Variants in NAV2 observed in about 807,000 individuals in gnomAD.
The protein encoded by NAV2 is helicase, APC down-regulated 1.
A neutral mutation model predicts 223.2 loss-of-function variants in NAV2; 54 were observed. The observed-to-expected ratio is 0.24, with a 90% CI of 0.19 to 0.30. The LOEUF is 0.30. Among genes scored for constraint, NAV2 ranks in the 10% least tolerant of loss-of-function variants. NAV2 has a pLI of 1.00. For synonymous variants in NAV2, 1,279 were observed against 1,239.3 expected (o/e 1.03, Z -0.67); for missense variants, 2,806 against 3,147.5 (o/e 0.89, Z 2.60).
intron 1 of NAV2, among the ~76,000 whole-genome samples, chr11:19,357,063 C>A (rs1283506769): frequency 6.6e-6 from 1 of 152,182 alleles, no homozygotes; most frequent in Non-Finnish European, 1.5e-5. Context: ...AGCTCTATCC[C>A]AACCTGGCTT....
intron 1 of NAV2, among the ~76,000 whole-genome samples, chr11:19,783,570 G>A (rs2056896558): frequency 1.3e-5 from 2 of 152,156 alleles, no homozygotes; most frequent in Admixed American, 1.3e-4. Flanking sequence ...TCCTTGAGCT[G>A]CTGGTGGATG....
intron 1 of NAV2, among the ~76,000 whole-genome samples, chr11:19,497,876 G>T (rs1461583116): frequency 1.3e-5 from 2 of 152,126 alleles, no homozygotes; most frequent in East Asian, 3.8e-4. Flanking sequence ...TATTAAAAGT[G>T]GCTTGGAACA....
rs142618761 is a variant in NAV2, at chr11:19,629,155, T to C, written c.76-203329T>C. 6.6e-3 allele frequency among the ~76,000 whole-genome samples: 1,005 copies of C among 152,088 alleles called. 13 individuals carry two copies. The highest frequency in any genetic ancestry group is 0.023 in the African/African-American group (945 of 41,474). ...TCTGCCTCAGTGTCTCCATCCTCATTTCCTCGTCACATCTCTCTCTCCCAC... is the reference window on the plus strand; with the variant it reads ...TCTGCCTCAGTGTCTCCATCCTCATCTCCTCGTCACATCTCTCTCTCCCAC... On this transcript the variant is annotated intron_variant, in intron 1 of 37. Transcript: ENST00000360655.
At chr11:19,488,872 C>A (rs1443415346) in intron 1 of NAV2, among the ~76,000 whole-genome samples, 1 of 152,220 alleles carries the variant, frequency 6.6e-6, no homozygotes, top group South Asian at 2.1e-4. Context: ...CAGTATTTCA[C>A]ATGCCTACTG....
chr11:19,817,738 A>C (rs1005602877), intron 1 of NAV2, among the ~76,000 whole-genome samples: 2 of 152,174 alleles, frequency 1.3e-5, no homozygotes, highest in African/African-American at 4.8e-5. Context: ...TGCTCTACCC[A>C]CTTGGCCCTG....
intron 1 of NAV2, among the ~76,000 whole-genome samples, chr11:19,665,206 T>A (rs1036898185): frequency 6.6e-6 from 1 of 152,220 alleles, no homozygotes; most frequent in Non-Finnish European, 1.5e-5. Flanking sequence ...GCAAGAGGCA[T>A]GTCTGCAACC....
intron 1 of NAV2, among the ~76,000 whole-genome samples, chr11:19,508,115 G>A (rs533385042): frequency 6.6e-6 from 1 of 152,254 alleles, no homozygotes; most frequent in African/African-American, 2.4e-5. Context: ...ATGAAGGAGG[G>A]AGATTGTTTT....
chr11:19,647,498 C>T (rs1171462990), intron 1 of NAV2, among the ~76,000 whole-genome samples: 1 of 152,100 alleles, frequency 6.6e-6, no homozygotes, highest in African/African-American at 2.4e-5. Context: ...CATTATAACT[C>T]TGTGAAGCAG....
Position 19,454,954 on chromosome 11 carries a change from C to A in NAV2, c.75+103927C>A, listed in dbSNP as rs1474278551. Among the ~76,000 whole-genome samples, 5 of 152,302 alleles carry A rather than the reference C, an allele frequency of 3.3e-5. No homozygotes were observed. The East Asian group carries it at 9.6e-4, about 29-fold the overall frequency. On this transcript the variant is annotated intron_variant, in intron 1 of 37. Transcript: ENST00000360655. ...CTGTGGGTCTCTGGGCCAGCAGCAGCAGCATCACCTGCGAACAGGTTAGAA... is the reference window on the plus strand; with the variant it reads ...CTGTGGGTCTCTGGGCCAGCAGCAGAAGCATCACCTGCGAACAGGTTAGAA...
chr11:20,061,474 C>G (rs1242933015), intron 19 of NAV2, among the ~76,000 whole-genome samples: 1 of 150,604 alleles, frequency 6.6e-6, no homozygotes, highest in African/African-American at 2.4e-5. Context: ...GAGGCTGAAG[C>G]AGAAGAATCA....
At chr11:19,561,415 C>T (rs755641271) in intron 1 of NAV2, among the ~76,000 whole-genome samples, 4 of 152,140 alleles carry the variant, frequency 2.6e-5, no homozygotes, top group Non-Finnish European at 4.4e-5. Context: ...GTTTGCTAGC[C>T]TCAACCTTCA....
rs2043858544 is a variant in NAV2, at chr11:19,526,920, T to C, written c.75+175893T>C. On this transcript the variant is annotated intron_variant, in intron 1 of 37. Transcript: ENST00000360655. ...AATTCTTCTTCATCCCAGCTTTCCTTCTCAGGCCAACATTCCTGAGGACAT... is the reference window on the plus strand; with the variant it reads ...AATTCTTCTTCATCCCAGCTTTCCTCCTCAGGCCAACATTCCTGAGGACAT... Among the ~76,000 whole-genome samples the C allele has an allele frequency of 2.0e-5, 3 of 152,172 alleles. No individual in the cohort carries two copies. The South Asian group carries it at 6.2e-4, about 32-fold the overall frequency.
At chr11:19,949,556 G>T (rs2047215161) in intron 10 of NAV2, among the ~76,000 whole-genome samples, 2 of 152,150 alleles carry the variant, frequency 1.3e-5, no homozygotes, top group Admixed American at 6.5e-5. Flanking sequence ...CCAGATCTTT[G>T]CATGGTAGGT....
intron 1 of NAV2, among the ~76,000 whole-genome samples, chr11:19,688,757 G>A (rs1409305263): frequency 6.6e-6 from 1 of 152,198 alleles, no homozygotes; most frequent in Non-Finnish European, 1.5e-5. Context: ...ATTATATAAT[G>A]TGGGGATAGA....
intron 36 of NAV2, among the ~76,000 whole-genome samples, chr11:20,108,149 C>A (rs1484704639): frequency 6.6e-6 from 1 of 152,172 alleles, no homozygotes; most frequent in Non-Finnish European, 1.5e-5. Context: ...CTCCTATCTG[C>A]CTTTTGGGTT....
chr11:19,672,428 T>C (rs897822392), intron 1 of NAV2, among the ~76,000 whole-genome samples: 7 of 152,246 alleles, frequency 4.6e-5, no homozygotes, highest in Non-Finnish European at 4.4e-5. Flanking sequence ...TTGGGTTCTA[T>C]TCCTGGCTCT....
At chr11:20,043,540 G>A (rs1027605853) in intron 12 of NAV2, among the ~76,000 whole-genome samples, 5 of 152,020 alleles carry the variant, frequency 3.3e-5, no homozygotes, top group Admixed American at 6.5e-5. Flanking sequence ...CCACCTCCCC[G>A]GGGTGATCCT....
chr11:19,709,189 G>C (rs1165123943), upstream of NAV2, among the ~76,000 whole-genome samples: 5 of 151,852 alleles, frequency 3.3e-5, no homozygotes, highest in Non-Finnish European at 5.9e-5. Flanking sequence ...CCCTTGTCTG[G>C]TTATTATGAT....
At chr11:19,881,684 C>T (rs112470614) in intron 5 of NAV2, among the ~76,000 whole-genome samples, 144 of 152,208 alleles carry the variant, frequency 9.5e-4, no homozygotes, top group African/African-American at 2.5e-3. Flanking sequence ...ATGAGATTGC[C>T]GAGGTGCCTG....
Sources: allele counts gnomAD v4.1 joint callset (sites outside exome capture counted in the v4.1 genomes callset), GRCh38; gene constraint gnomAD v4.1.1; transcripts MANE v1.5; gene names NCBI Gene and HGNC (gene_info 2026-07-23, HGNC 2026-07-21).